Variants in F11R observed in about 807,000 individuals in gnomAD.
The protein encoded by F11R is F11 receptor, also known as junctional adhesion molecule A.
Under a neutral mutation model 39.3 loss-of-function variants are expected in F11R, and 27 were observed. The observed-to-expected ratio is 0.69, with a 90% CI of 0.51 to 0.95. F11R has a LOEUF of 0.95. Ranked by LOEUF, F11R falls within the 40% of genes least tolerant of loss-of-function variation. The pLI, the probability that F11R is intolerant of heterozygous loss-of-function variation, is 0.00. For synonymous variants in F11R, 131 were observed against 144.9 expected (o/e 0.90, Z 0.69); for missense variants, 335 against 372.7 (o/e 0.90, Z 0.83).
intron 4 of F11R, 102 bp downstream of exon 4, chr1:161,000,529 C>A: frequency 6.5e-7 from 1 of 1,534,190 alleles, no homozygotes; most frequent in South Asian, 1.2e-5. Context: ...CTGAATAGCC[C>A]ACCTGTGGGT....
At chr1:161,015,086 A>T (rs1238715723) in intron 1 of F11R, among the ~76,000 whole-genome samples, 2 of 146,076 alleles carry the variant, frequency 1.4e-5, no homozygotes, top group Non-Finnish European at 3.0e-5. Context: ...TCAAAAAAAA[A>T]AAATTAAATT....
chr1:161,010,529 A>G (rs952000725), intron 1 of F11R, among the ~76,000 whole-genome samples: 4 of 151,754 alleles, frequency 2.6e-5, no homozygotes, highest in Admixed American at 2.6e-4. Flanking sequence ...TGAGGCTCTA[A>G]AACTATTATG....
chr1:161,003,995 C>G (rs191220116), intron 1 of F11R, among the ~76,000 whole-genome samples: 1 of 152,048 alleles, frequency 6.6e-6, no homozygotes, highest in East Asian at 1.9e-4. Flanking sequence ...AACTCCTGAT[C>G]TCAGGTGATC....
chr1:160,999,600 G>A, intron 7 of F11R, 40 bp downstream of exon 7: 1 of 1,577,342 alleles, frequency 6.3e-7, no homozygotes, highest in Non-Finnish European at 8.7e-7. Context: ...CCCTGGGATG[G>A]GGGCAGTACA....
rs1557890116 is a variant in F11R at position 161,001,359 on chromosome 1, G to C, written c.65-6C>G. The C allele has an allele frequency of 1.2e-6, 2 of 1,612,908 alleles. No individual in the cohort carries two copies. On this transcript the variant is annotated splice_polypyrimidine_tract_variant and splice_region_variant and intron_variant, in intron 1 of 9. Transcript: ENST00000368026. ...ACTGCCCAATGCCAGGGAGCCTAAG[G>C]AGAAAGAAAGAGGTGGGCCCTGTCA...
chr1:161,009,900 G>A (rs2247815), intron 1 of F11R, among the ~76,000 whole-genome samples: 4,161 of 151,894 alleles, frequency 0.027, 182 homozygotes, highest in African/African-American at 0.094. Flanking sequence ...CTGATATGGT[G>A]CCACTGTACT....
At chr1:161,014,120 A>C (rs1649320467) in intron 1 of F11R, among the ~76,000 whole-genome samples, 2 of 152,206 alleles carry the variant, frequency 1.3e-5, no homozygotes, top group Admixed American at 1.3e-4. Context: ...CACAATAGTG[A>C]AACCTCATCC....
rs763852399 is a variant in F11R, at chr1:161,001,270, C to T, written c.133+15G>A. 15 of 1,613,392 alleles carry T rather than the reference C, an allele frequency of 9.3e-6. No homozygotes were observed. Among genetic ancestry groups the T allele is most frequent in the East Asian group, 2.2e-5 (1 of 44,884 alleles). ...CTGCTCACCCTCACACCCTCCATGG[C>T]CCCTCCCAACTCACGATTATTCTCA... is the stretch of plus-strand genomic sequence containing the variant. On this transcript the variant is annotated intron_variant, in intron 2 of 9. Coordinates refer to ENST00000368026, the MANE Select transcript of F11R (RefSeq NM_016946.6).
intron 1 of F11R, among the ~76,000 whole-genome samples, chr1:161,005,300 C>T (rs1257340646): frequency 6.6e-6 from 1 of 151,616 alleles, no homozygotes; most frequent in Admixed American, 6.6e-5. Context: ...CTTCCCCTCC[C>T]TCCCCTACCT....
intron 1 of F11R, among the ~76,000 whole-genome samples, chr1:161,007,723 G>A (rs143673617): frequency 2.7e-4 from 41 of 152,292 alleles, no homozygotes; most frequent in African/African-American, 9.6e-4. Flanking sequence ...AGGCCCTTCT[G>A]TACACATACT....
chr1:161,005,518 C>T (rs538533830), intron 1 of F11R, among the ~76,000 whole-genome samples: 5 of 152,064 alleles, frequency 3.3e-5, no homozygotes, highest in Non-Finnish European at 7.4e-5. Flanking sequence ...ATTACAAGCA[C>T]GAGCCACCAT....
At chr1:161,016,930 C>A (rs182089067) in intron 1 of F11R, among the ~76,000 whole-genome samples, 30 of 152,344 alleles carry the variant, frequency 2.0e-4, no homozygotes, top group African/African-American at 3.1e-4. Flanking sequence ...AAGAAAAATT[C>A]TTCTGCCTTG....
rs755371627 is a variant in F11R at position 161,003,123 on chromosome 1, A to ATT, written c.65-1772_65-1771dup. 1.9e-3 allele frequency among the ~76,000 whole-genome samples: 197 copies of ATT among 105,544 alleles called. 7 individuals are homozygous for ATT. The highest frequency in any genetic ancestry group is 0.012 in the Middle Eastern group (2 of 172). The allele number at this position is 105,544 out of a possible 152,430, so 69.2% of individuals were successfully genotyped here. A position where few individuals can be genotyped will look rare whatever the true frequency, so the allele number is the denominator to read the frequency against. On this transcript the variant is annotated intron_variant, in intron 1 of 9. Transcript: ENST00000368026. ...TACCACCATGCCGGCTAATTTTTGTATTTTTTTTTTTTTTTTTGAGACAGA... is the reference window on the plus strand; with the variant it reads ...TACCACCATGCCGGCTAATTTTTGTATTTTTTTTTTTTTTTTTTTGAGACAGA...
At chr1:160,999,332 A>G (rs751037333) in intron 8 of F11R, 64 bp downstream of exon 8, 46 of 1,608,884 alleles carry the variant, frequency 2.9e-5, no homozygotes, top group Non-Finnish European at 3.7e-5. Flanking sequence ...GGCCCACTTC[A>G]GCTTCAAACC....
Position 160,996,316 on chromosome 1 carries a change from A to C in F11R, c.*2555T>G, listed in dbSNP as rs1226179982. 6.6e-6 allele frequency: 1 copy of C among 152,374 alleles called. No homozygotes were observed. Among genetic ancestry groups the C allele is most frequent in the East Asian group, 1.9e-4 (1 of 5,340 alleles). 9.4% of individuals were successfully genotyped at this position (152,374 alleles called of 1,614,324 possible). On this transcript the variant is annotated 3_prime_UTR_variant, in exon 10 of 10. Coordinates refer to ENST00000368026, the MANE Select transcript of F11R (RefSeq NM_016946.6). ...TAGAGAAGTAAATTCCAAGGCTGGC[A>C]ATAACTGACTCATATTCTTCACAAG...
At chr1:161,000,101 AT>A in intron 5 of F11R, 44 bp downstream of exon 5, 1 of 1,608,418 alleles carries the variant, frequency 6.2e-7, no homozygotes, top group South Asian at 1.1e-5. Context: ...TTGGGGTTCT[AT>A]AACTGCATCC....
intron 1 of F11R, 113 bp downstream of exon 1, chr1:161,020,897 G>A (rs1465775952): frequency 1.1e-6 from 1 of 906,290 alleles, no homozygotes; most frequent in Non-Finnish European, 1.8e-6. Context: ...TTCGCAGAAC[G>A]ATATAGGAAG....
chr1:160,999,775 A>C, intron 6 of F11R, 28 bp from the exon 7 acceptor site: 1 of 1,611,826 alleles, frequency 6.2e-7, no homozygotes, highest in Admixed American at 1.7e-5. Context: ...GAAGTCAGGC[A>C]CGGGGATACT....
chr1:161,001,497 C>A, intron 1 of F11R, 144 bp from the exon 2 acceptor site: 1 of 648,546 alleles, frequency 1.5e-6, no homozygotes. Context: ...CTCTGGCTCT[C>A]ACACTTTGTC....
Sources: gnomAD v4.1 joint callset for allele counts (sites outside exome capture counted in the v4.1 genomes callset) on GRCh38, gnomAD v4.1.1 for gene constraint, MANE v1.5 for transcripts, NCBI Gene and HGNC (gene_info 2026-07-23, HGNC 2026-07-21) for gene names.